The following CAV3 variants were observed in gnomAD, a reference collection of about 807,000 sequenced individuals.
CAV3 encodes caveolin 3, also known as caveolin-3.
A neutral mutation model predicts 13.4 loss-of-function variants in CAV3; 10 were observed. The observed-to-expected ratio is 0.75, with a 90% confidence interval of 0.46 to 1.27. CAV3 has a LOEUF of 1.27. Among genes scored for constraint, CAV3 ranks in the 50% most tolerant of loss-of-function variants. The pLI, the probability that CAV3 is intolerant of heterozygous loss-of-function variation, is 0.00. For missense variants in CAV3, 162 were observed against 194.0 expected (o/e 0.83, Z 0.98); for synonymous variants, 90 against 79.0 (o/e 1.14, Z -0.74).
intron 1 of CAV3, among the ~76,000 whole-genome samples, chr3:8,736,748 A>G (rs1575466961): frequency 1.3e-5 from 2 of 152,370 alleles, no homozygotes; most frequent in South Asian, 2.1e-4. Context: ...CCTGAGCCCT[A>G]GCAAAAATAG....
intron 1 of CAV3, among the ~76,000 whole-genome samples, chr3:8,739,575 G>A (rs1350682861): frequency 1.3e-5 from 2 of 149,638 alleles, no homozygotes; most frequent in East Asian, 2.0e-4. Flanking sequence ...AGCCGAGATC[G>A]CACCACTGTA....
chr3:8,742,463 G>T (rs1032633310), intron 1 of CAV3: 1 of 456,342 alleles, frequency 2.2e-6, no homozygotes, highest in African/African-American at 2.0e-5. Flanking sequence ...ACTTACTACT[G>T]TAAGGAAAGG....
chr3:8,738,753 G>A (rs556578922), intron 1 of CAV3, among the ~76,000 whole-genome samples: 3 of 152,212 alleles, frequency 2.0e-5, no homozygotes, highest in Non-Finnish European at 4.4e-5. Context: ...GTTGGCAAAC[G>A]TAAGAGGCTG....
chr3:8,745,582 G>A lies in CAV3; in HGVS notation c.171G>A (p.Val57=), dbSNP rs61147808. 4,545 of 1,614,140 alleles carry A rather than the reference G, an allele frequency of 2.8e-3. 131 individuals are homozygous for A. The African/African-American group carries it at 0.052, about 19-fold the overall frequency. ...TGGGCACCTACAGCTTTGACGGCGT[G>A]TGGAAGGTGAGCTACACCACCTTCA... is the stretch of plus-strand genomic sequence containing the variant. ...EPVGTYSFDG[V]WKVSYTTFTV... is the part of the protein sequence containing the mutation. Residue 57 remains valine (V), a synonymous_variant, in exon 2 of 2, where the codon GTG becomes GTA. Transcript: ENST00000343849. The surrounding 1 kb of genome is among the most constrained non-coding windows in gnomAD (Gnocchi z 4.8).
In CAV3 at chr3:8,746,126, G is replaced by C. The variant is rs1708154278; in HGVS notation, c.*259G>C. On this transcript the variant is annotated 3_prime_UTR_variant, in exon 2 of 2. Transcript: ENST00000343849. The stretch of plus-strand genomic sequence containing the variant: ...GGGGAAGATCATTTGCCAAGAGGCA[G>C]CTACTGCAAGTCTTTGCGTTCACTT... 2.1e-6 allele frequency: 1 copy of C among 476,584 alleles called. No individual in the cohort carries two copies. Among genetic ancestry groups the C allele is most frequent in the African/African-American group, 1.9e-5 (1 of 51,918 alleles). The allele number at this position is 476,584 out of a possible 1,614,324, so 29.5% of individuals were successfully genotyped here.
intron 1 of CAV3, among the ~76,000 whole-genome samples, chr3:8,734,493 G>A (rs1255438055): frequency 1.3e-5 from 2 of 152,174 alleles, no homozygotes; most frequent in East Asian, 1.9e-4. Context: ...CAAGGCCGAG[G>A]GCCATGCCCA....
rs369574854 is a variant in CAV3 at position 8,736,258 on chromosome 3, GAAT to G, written c.114+2273_114+2275del. Among the ~76,000 whole-genome samples the G allele has an allele frequency of 4.0e-4, 61 of 152,282 alleles. 1 individual carries two copies. Among genetic ancestry groups the G allele is most frequent in the African/African-American group, 1.4e-3 (60 of 41,556 alleles). On this transcript the variant is annotated intron_variant, in intron 1 of 1. Transcript: ENST00000343849. ...AGACTCAGTTTCCCCTGTAAAGTGGGAATAATATCATTTCCCAATTTACCTCCA... is the reference window on the plus strand; with the variant it reads ...AGACTCAGTTTCCCCTGTAAAGTGGGAATATCATTTCCCAATTTACCTCCA...
chr3:8,741,784 C>A (rs1707967716), intron 1 of CAV3, among the ~76,000 whole-genome samples: 1 of 152,272 alleles, frequency 6.6e-6, no homozygotes, highest in South Asian at 2.1e-4. Flanking sequence ...TTGTCCTCCC[C>A]CGCATCCTCA....
chr3:8,744,658 G>A (rs1708091208), intron 1 of CAV3, among the ~76,000 whole-genome samples: 1 of 152,036 alleles, frequency 6.6e-6, no homozygotes, highest in Admixed American at 6.6e-5. Context: ...TGCATAGCAG[G>A]GCTCGAGAGA....
Position 8,746,207 on chromosome 3 carries a change from G to A in CAV3, c.*340G>A, listed in dbSNP as rs538468291. 273 of 230,956 alleles carry A rather than the reference G, an allele frequency of 1.2e-3. 2 individuals carry two copies. Among genetic ancestry groups the A allele is most frequent in the African/African-American group, 5.7e-3 (260 of 45,260 alleles). The allele number at this position is 230,956 out of a possible 1,614,324, so 14.3% of individuals were successfully genotyped here. A position where few individuals can be genotyped will look rare whatever the true frequency, so the allele number is the denominator to read the frequency against. ...TCCCACCCGGGGCCAACCTCTCCAC[G>A]CGCACTCAGGAAAGTGACCAGTGAC... On this transcript the variant is annotated 3_prime_UTR_variant, in exon 2 of 2. Coordinates refer to ENST00000343849, the MANE Select transcript of CAV3 (RefSeq NM_033337.3).
At chr3:8,734,454 C>G (rs1450494473) in intron 1 of CAV3, among the ~76,000 whole-genome samples, 1 of 152,214 alleles carries the variant, frequency 6.6e-6, no homozygotes, top group Non-Finnish European at 1.5e-5. Flanking sequence ...TACACTCACT[C>G]CCCCAGAGCA....
rs10882 is a variant in CAV3 at position 8,746,678 on chromosome 3, C to G, written c.*811C>G. The G allele has an allele frequency of 0.38, 51,906 of 134,996 alleles. 9,203 individuals are homozygous for G. The highest frequency in any genetic ancestry group is 0.43 in the African/African-American group (17,105 of 40,160). 8.4% of individuals were successfully genotyped at this position (134,996 alleles called of 1,614,324 possible). ...GCCATTTGACATGAGGGTACCTTCG[C>G]CCTCAGGAGATGTGACGAAGGAACA... On this transcript the variant is annotated 3_prime_UTR_variant, in exon 2 of 2. Transcript: ENST00000343849.
rs150440506 is a variant in CAV3, at chr3:8,735,408, G to A, written c.114+1418G>A. Reference sequence around the variant, plus strand: ...CAGTTCAGACCCCACATTTTCATCCGAAATGCTTGTTCTGCATTTAGATTT... The same window carrying A: ...CAGTTCAGACCCCACATTTTCATCCAAAATGCTTGTTCTGCATTTAGATTT... On this transcript the variant is annotated intron_variant, in intron 1 of 1. Transcript: ENST00000343849. 2.6e-3 allele frequency among the ~76,000 whole-genome samples: 393 copies of A among 152,246 alleles called. 3 individuals are homozygous for A. The highest frequency in any genetic ancestry group is 9.0e-3 in the African/African-American group (374 of 41,552).
chr3:8,745,878 G>A lies in CAV3; in HGVS notation c.*11G>A. 1.9e-6 allele frequency: 3 copies of A among 1,605,566 alleles called. No individual in the cohort carries two copies. The highest frequency in any genetic ancestry group is 1.7e-6 in the Non-Finnish European group (2 of 1,175,806). ...CGGAAGGAGGTCTAAAGCCAGGTGG[G>A]GCAACAGCGGTGGCAGGGCAGGGGG... On this transcript the variant is annotated 3_prime_UTR_variant, in exon 2 of 2. Transcript: ENST00000343849. The surrounding 1 kb of genome is among the most constrained non-coding windows in gnomAD (Gnocchi z 4.8).
chr3:8,734,059 G>T, intron 1 of CAV3, 69 bp downstream of exon 1: 2 of 837,382 alleles, frequency 2.4e-6, no homozygotes, highest in South Asian at 1.4e-5. Context: ...GCTTGGCAGG[G>T]GAGGGTATCT....
chr3:8,736,673 G>A (rs937540795), intron 1 of CAV3, among the ~76,000 whole-genome samples: 2 of 152,200 alleles, frequency 1.3e-5, no homozygotes, highest in African/African-American at 4.8e-5. Flanking sequence ...CGGCGGGGGC[G>A]GCGGCACAGG....
intron 1 of CAV3, among the ~76,000 whole-genome samples, chr3:8,734,215 C>T (rs932765698): frequency 1.3e-5 from 2 of 149,934 alleles, no homozygotes; most frequent in Non-Finnish European, 3.0e-5. Context: ...AGCCTCATCT[C>T]CATGACCTAA....
rs569240109 is a variant in CAV3, at chr3:8,733,862, C to A, written c.-15C>A. 488 of 1,521,112 alleles carry A rather than the reference C, an allele frequency of 3.2e-4. 10 individuals are homozygous for A. The South Asian group carries it at 4.4e-3, about 14-fold the overall frequency. 94.2% of individuals were successfully genotyped at this position (1,521,112 alleles called of 1,614,324 possible). ...ACAGCTCGGATCTCCTCCTGTGGAT[C>A]CCCCCAGCTCTGCGATGATGGCAGA... is the stretch of plus-strand genomic sequence containing the variant. On this transcript the variant is annotated 5_prime_UTR_variant, in exon 1 of 2. Transcript: ENST00000343849.
intron 1 of CAV3, among the ~76,000 whole-genome samples, chr3:8,736,089 T>G (rs1373136099): frequency 6.6e-6 from 1 of 152,246 alleles, no homozygotes; most frequent in African/African-American, 2.4e-5. Flanking sequence ...AATAAAATTG[T>G]ACCTGTAAAA....
Sources: gnomAD v4.1 joint callset for allele counts (sites outside exome capture counted in the v4.1 genomes callset) on GRCh38, gnomAD v4.1.1 for gene constraint, Gnocchi (gnomAD v3.1) non-coding constraint, MANE v1.5 for transcripts, NCBI Gene and HGNC (gene_info 2026-07-23, HGNC 2026-07-21) for gene names.